Variants in TEK observed in about 807,000 individuals in gnomAD.
TEK encodes the protein TEK receptor tyrosine kinase.
A neutral mutation model predicts 131.8 loss-of-function variants in TEK; 43 were observed. The observed-to-expected ratio is 0.33, with a 90% confidence interval of 0.26 to 0.42. TEK has a LOEUF of 0.42. TEK is among the 10% of genes least tolerant of loss of function. TEK has a pLI of 1.00. For synonymous variants in TEK, 580 were observed against 491.6 expected (o/e 1.18, Z -2.38); for missense variants, 1,162 against 1,384.4 (o/e 0.84, Z 2.55).
chr9:27,140,451 A>G (rs1304934302), intron 1 of TEK, among the ~76,000 whole-genome samples: 2 of 151,478 alleles, frequency 1.3e-5, no homozygotes, highest in African/African-American at 4.8e-5. Context: ...AGGAAAACCT[A>G]CCTGTTTCAT....
chr9:27,137,398 T>C (rs930534073), intron 1 of TEK, among the ~76,000 whole-genome samples: 2 of 152,212 alleles, frequency 1.3e-5, no homozygotes, highest in Non-Finnish European at 2.9e-5. Flanking sequence ...ATTTTTCACA[T>C]GTAAGGAGTA....
At chr9:27,220,446 TC>T (rs1826016238) in intron 21 of TEK, among the ~76,000 whole-genome samples, 1 of 151,152 alleles carries the variant, frequency 6.6e-6, no homozygotes, top group African/African-American at 2.4e-5. Flanking sequence ...TACAACACTA[TC>T]CTTGGGGATA....
intron 1 of TEK, among the ~76,000 whole-genome samples, chr9:27,146,161 C>T (rs1247832694): frequency 6.6e-6 from 1 of 152,194 alleles, no homozygotes; most frequent in Non-Finnish European, 1.5e-5. Flanking sequence ...AGAGATGCTT[C>T]TGTTGATGAA....
chr9:27,153,924 C>CT (rs1027691269), intron 1 of TEK, among the ~76,000 whole-genome samples: 27 of 151,764 alleles, frequency 1.8e-4, no homozygotes, highest in East Asian at 1.9e-4. Flanking sequence ...TGTTTGGCTA[C>CT]TTTTTTTTTC....
intron 18 of TEK, among the ~76,000 whole-genome samples, chr9:27,217,285 C>T (rs139519285): frequency 3.7e-4 from 56 of 152,280 alleles, no homozygotes; most frequent in African/African-American, 5.8e-4. Flanking sequence ...CATCTCCAGG[C>T]GTAGTTGTTC....
chr9:27,212,854 C>T lies in TEK; in HGVS notation c.2834C>T (p.Ala945Val), dbSNP rs1825685649. Residue 945 changes from alanine (A) to valine (V), a missense_variant, in exon 17 of 23, where the codon GCT becomes GTT. Ala to Val is a moderately conservative substitution (Grantham distance 64, BLOSUM62 0). Around this residue, in one of 6 missense-constraint regions of TEK, gnomAD observed 107 missense variants for 173.9 expected, o/e 0.62. Transcript: ENST00000380036. ...TCCTCCCAGCAGCTCCTTCACTTCGCTGCCGACGTGGCCCGGGGCATGGAC... is the reference window on the plus strand; with the variant it reads ...TCCTCCCAGCAGCTCCTTCACTTCGTTGCCGACGTGGCCCGGGGCATGGAC... ...TLSSQQLLHF[A>V]ADVARGMDYL... 1 of 1,614,064 alleles carries T rather than the reference C, an allele frequency of 6.2e-7. No individual in the cohort carries two copies. The highest frequency in any genetic ancestry group is 8.5e-7 in the Non-Finnish European group (1 of 1,180,028).
At chr9:27,130,983 C>T (rs1370941643) in intron 1 of TEK, among the ~76,000 whole-genome samples, 4 of 152,074 alleles carry the variant, frequency 2.6e-5, no homozygotes, top group Non-Finnish European at 5.9e-5. Flanking sequence ...ATACAAATGG[C>T]TTATAAGCAT....
chr9:27,183,809 G>T (rs1318143952), intron 8 of TEK, among the ~76,000 whole-genome samples, 199 bp downstream of exon 8: 1 of 152,176 alleles, frequency 6.6e-6, no homozygotes, highest in African/African-American at 2.4e-5. Flanking sequence ...GGCCAGTACT[G>T]CTCTGCATGG....
intron 13 of TEK, 36 bp downstream of exon 13, chr9:27,203,155 C>T (rs374979558): frequency 1.2e-5 from 20 of 1,609,228 alleles, no homozygotes; most frequent in South Asian, 9.9e-5. Flanking sequence ...ATAGGATTAC[C>T]GTGCAGCCCT....
chr9:27,191,680 T>C (rs1030799025), intron 10 of TEK, among the ~76,000 whole-genome samples: 1 of 152,088 alleles, frequency 6.6e-6, no homozygotes, highest in African/African-American at 2.4e-5. Flanking sequence ...TATTACTGAG[T>C]CCTTCACATA....
intron 9 of TEK, among the ~76,000 whole-genome samples, chr9:27,188,440 A>G (rs1824680292): frequency 2.0e-5 from 3 of 152,230 alleles, no homozygotes; most frequent in Non-Finnish European, 4.4e-5. Flanking sequence ...AAACCCTTGT[A>G]GAAGTATCAC....
intron 21 of TEK, 76 bp from the exon 22 acceptor site, chr9:27,228,130 T>A (rs1434342470): frequency 3.1e-6 from 4 of 1,276,820 alleles, no homozygotes; most frequent in East Asian, 4.7e-5. Context: ...GGCTTCATTC[T>A]CTCCTCTCTT....
At chr9:27,213,440 G>A (rs1303319811) in intron 17 of TEK, 44 bp from the exon 18 acceptor site, 1 of 1,448,274 alleles carries the variant, frequency 6.9e-7, no homozygotes, top group East Asian at 2.3e-5. Flanking sequence ...CAGCCCTGGG[G>A]CTTTCATTAG....
At chr9:27,213,345 G>A in intron 17 of TEK, 139 bp from the exon 18 acceptor site, 2 of 648,774 alleles carry the variant, frequency 3.1e-6, no homozygotes, top group Non-Finnish European at 5.5e-6. Flanking sequence ...AGGGAATTTT[G>A]GAGGGGAACT....
At chr9:27,160,736 T>C (rs1421394426) in intron 2 of TEK, among the ~76,000 whole-genome samples, 5 of 152,196 alleles carry the variant, frequency 3.3e-5, no homozygotes. Flanking sequence ...GGAAAGGGTT[T>C]TCTTAGCAAA....
chr9:27,171,069 A>G (rs1271192148), intron 4 of TEK, among the ~76,000 whole-genome samples: 2 of 152,090 alleles, frequency 1.3e-5, no homozygotes, highest in East Asian at 1.9e-4. Flanking sequence ...CTTATGTGTG[A>G]TTTTTATTTT....
intron 1 of TEK, among the ~76,000 whole-genome samples, chr9:27,121,339 TA>T (rs1200760564): frequency 3.3e-5 from 5 of 151,482 alleles, no homozygotes; most frequent in Admixed American, 6.6e-5. Flanking sequence ...AATAAATAAA[TA>T]AAAAAAATAG....
chr9:27,186,832 T>G (rs1564084452), intron 9 of TEK, among the ~76,000 whole-genome samples: 1 of 152,142 alleles, frequency 6.6e-6, no homozygotes, highest in Non-Finnish European at 1.5e-5. Flanking sequence ...ACATAATCTG[T>G]TTTTTAAAGG....
rs184715317 is a variant in TEK, at chr9:27,148,953, T to C, written c.53-8878T>C. Among the ~76,000 whole-genome samples, 621 of 152,340 alleles carry C rather than the reference T, an allele frequency of 4.1e-3. 3 individuals are homozygous for C. Among genetic ancestry groups the C allele is most frequent in the African/African-American group, 0.014 (577 of 41,574 alleles). ...TCTGTGATAAAATCTATCAGTGTTTTTTCTTCATGACATTGGATGGCCAGA... is the reference window on the plus strand; with the variant it reads ...TCTGTGATAAAATCTATCAGTGTTTCTTCTTCATGACATTGGATGGCCAGA... On this transcript the variant is annotated intron_variant, in intron 1 of 22. Coordinates refer to ENST00000380036, the MANE Select transcript of TEK (RefSeq NM_000459.5).
Sources: allele counts gnomAD v4.1 joint callset (sites outside exome capture counted in the v4.1 genomes callset), GRCh38; gene constraint gnomAD v4.1.1; regional missense constraint gnomAD v4.1.1; transcripts MANE v1.5; gene names NCBI Gene and HGNC (gene_info 2026-07-23, HGNC 2026-07-21).